Variants in DLG2 observed in about 807,000 individuals in gnomAD.
The protein encoded by DLG2 is disks large homolog 2.
Under a neutral mutation model 132.5 loss-of-function variants are expected in DLG2, and 45 were observed. The observed-to-expected ratio is 0.34, with a 90% CI of 0.27 to 0.44. The LOEUF (loss-of-function observed/expected upper bound fraction) is 0.44. DLG2 is among the 20% of genes least tolerant of loss of function. The pLI, the probability that DLG2 is intolerant of heterozygous loss-of-function variation, is 1.00. For missense variants in DLG2, 1,045 were observed against 1,196.9 expected, an observed-to-expected ratio of 0.87 and a Z score of 1.87; for synonymous variants, 424 against 419.6, an observed-to-expected ratio of 1.01 and a Z score of -0.13.
In DLG2 at chr11:85,406,269, G is replaced by GA. The variant is rs574861846; in HGVS notation, c.41-120905dup. On this transcript the variant is annotated intron_variant, in intron 3 of 27. Transcript: ENST00000376104. ...ATTCTCTCTGACAGAGACAGCAGGA[G>GA]AAAAAAAAAAAGAAGGAAAAAAGGA... 2.8e-3 allele frequency among the ~76,000 whole-genome samples: 376 copies of GA among 134,300 alleles called. 2 individuals are homozygous for GA. The highest frequency in any genetic ancestry group is 4.1e-3 in the Non-Finnish European group (254 of 62,000). The allele number at this position is 134,300 out of a possible 152,430, so 88.1% of individuals were successfully genotyped here.
chr11:85,182,225 T>G (rs1212304495), intron 4 of DLG2, among the ~76,000 whole-genome samples: 2 of 151,846 alleles, frequency 1.3e-5, no homozygotes, highest in Admixed American at 6.6e-5. Context: ...CATTTTAACA[T>G]GAGGCTTAGA....
intron 19 of DLG2, among the ~76,000 whole-genome samples, chr11:83,596,978 G>A (rs555302356): frequency 1.4e-4 from 21 of 151,912 alleles, no homozygotes; most frequent in Non-Finnish European, 2.8e-4. Flanking sequence ...GATTTTTACC[G>A]GAGCTCATTA....
chr11:85,460,016 G>T (rs1377399524), intron 3 of DLG2, among the ~76,000 whole-genome samples: 1 of 152,152 alleles, frequency 6.6e-6, no homozygotes, highest in Admixed American at 6.5e-5. Flanking sequence ...GCTGACAGAC[G>T]ACAAAGGTAA....
intron 6 of DLG2, among the ~76,000 whole-genome samples, chr11:85,028,315 G>A (rs139099030): frequency 9.2e-5 from 14 of 152,194 alleles, no homozygotes; most frequent in East Asian, 1.9e-4. Flanking sequence ...AGAGTAGGTC[G>A]GGAAAAAGCA....
rs192202368 is a variant in DLG2 at position 83,969,072 on chromosome 11, T to A, written c.1057-3604A>T. 3.3e-3 allele frequency among the ~76,000 whole-genome samples: 504 copies of A among 152,314 alleles called. 4 individuals are homozygous for A. Among genetic ancestry groups the A allele is most frequent in the African/African-American group, 0.012 (481 of 41,580 alleles). Reference sequence around the variant, plus strand: ...TTGACATGAATCATATAACTTATCATGAGAAGAGCTCCAGGAAGTAGATAC... The same window carrying A: ...TTGACATGAATCATATAACTTATCAAGAGAAGAGCTCCAGGAAGTAGATAC... On this transcript the variant is annotated intron_variant, in intron 12 of 27. Transcript: ENST00000376104.
At chr11:84,708,802 A>T (rs1176731989) in intron 6 of DLG2, among the ~76,000 whole-genome samples, 2 of 151,900 alleles carry the variant, frequency 1.3e-5, no homozygotes, top group Non-Finnish European at 2.9e-5. Context: ...CAGAGAGAAA[A>T]TGTCTCATTT....
At chr11:84,757,285 A>G (rs939248925) in intron 6 of DLG2, among the ~76,000 whole-genome samples, 1 of 151,896 alleles carries the variant, frequency 6.6e-6, no homozygotes, top group African/African-American at 2.4e-5. Flanking sequence ...AAGTAAGTGT[A>G]TATCTTTTGT....
intron 6 of DLG2, among the ~76,000 whole-genome samples, chr11:84,941,855 AG>A (rs1434580214): frequency 6.6e-6 from 1 of 152,148 alleles, no homozygotes; most frequent in Non-Finnish European, 1.5e-5. Context: ...AAAATTTAGC[AG>A]TGAAGACATC....
At chr11:84,934,121 T>G (rs1394819691) in intron 6 of DLG2, among the ~76,000 whole-genome samples, 1 of 152,186 alleles carries the variant, frequency 6.6e-6, no homozygotes, top group Non-Finnish European at 1.5e-5. Context: ...CTGCACCTAT[T>G]TAGATAATCA....
At chr11:84,270,941 T>C (rs2097713670) in intron 7 of DLG2, among the ~76,000 whole-genome samples, 1 of 152,212 alleles carries the variant, frequency 6.6e-6, no homozygotes, top group African/African-American at 2.4e-5. Context: ...CTTCAGGATT[T>C]ATTACGATAC....
At chr11:85,568,166 C>T (rs1018794647) in intron 3 of DLG2, among the ~76,000 whole-genome samples, 4 of 151,892 alleles carry the variant, frequency 2.6e-5, no homozygotes, top group South Asian at 2.1e-4. Flanking sequence ...AGGCATGCAC[C>T]ACCATGCCTG....
intron 3 of DLG2, among the ~76,000 whole-genome samples, chr11:85,458,557 T>G (rs1263894244): frequency 6.6e-6 from 1 of 152,252 alleles, no homozygotes; most frequent in Non-Finnish European, 1.5e-5. Flanking sequence ...TGTTGGCTTG[T>G]GTTCTGATAA....
At chr11:83,501,773 G>A (rs989740107) in intron 21 of DLG2, among the ~76,000 whole-genome samples, 7 of 152,104 alleles carry the variant, frequency 4.6e-5, no homozygotes, top group African/African-American at 1.4e-4. Context: ...TGAAAATTCT[G>A]TCTGGGTTAT....
chr11:83,929,286 C>T (rs1000780305), intron 15 of DLG2, among the ~76,000 whole-genome samples: 10 of 152,100 alleles, frequency 6.6e-5, no homozygotes, highest in East Asian at 5.8e-4. Flanking sequence ...CACTCTGAAT[C>T]GTTCTAAAGT....
chr11:85,259,458 T>A (rs2152711199), intron 4 of DLG2, among the ~76,000 whole-genome samples: 1 of 152,222 alleles, frequency 6.6e-6, no homozygotes, highest in Admixed American at 6.5e-5. Context: ...AATAACAAAC[T>A]AATATACTGT....
At chr11:84,783,634 A>G (rs2072243401) in intron 6 of DLG2, among the ~76,000 whole-genome samples, 1 of 152,188 alleles carries the variant, frequency 6.6e-6, no homozygotes, top group Non-Finnish European at 1.5e-5. Context: ...AGATGTTTAC[A>G]TACAATATTT....
chr11:85,296,422 T>C (rs73525482), intron 3 of DLG2, among the ~76,000 whole-genome samples: 55 of 151,904 alleles, frequency 3.6e-4, no homozygotes, highest in African/African-American at 1.3e-3. Flanking sequence ...ATAAGGACTT[T>C]TATTACAACT....
intron 6 of DLG2, among the ~76,000 whole-genome samples, chr11:84,692,407 G>C (rs925097901): frequency 1.3e-5 from 2 of 151,620 alleles, no homozygotes; most frequent in Non-Finnish European, 3.0e-5. Context: ...AGCTAGAAAT[G>C]CAGAACTATC....
At chr11:85,252,250 G>C (rs1565217625) in intron 4 of DLG2, among the ~76,000 whole-genome samples, 1 of 152,206 alleles carries the variant, frequency 6.6e-6, no homozygotes, top group East Asian at 1.9e-4. Flanking sequence ...GCGTAAGATA[G>C]AAAGGGATCT....
Sources: gnomAD v4.1 joint callset for allele counts (sites outside exome capture counted in the v4.1 genomes callset) on GRCh38, gnomAD v4.1.1 for gene constraint, MANE v1.5 for transcripts, NCBI Gene and HGNC (gene_info 2026-07-23, HGNC 2026-07-21) for gene names.